PKNOX2: variants seen among roughly 807,000 people sequenced by gnomAD.
PKNOX2 encodes the protein PBX/knotted 1 homeobox 2.
A neutral mutation model predicts 53.1 loss-of-function variants in PKNOX2; 14 were observed. That is an observed-to-expected ratio of 0.26 (90% confidence interval 0.17 to 0.41). The LOEUF (loss-of-function observed/expected upper bound fraction) is 0.41, where lower values mean the gene tolerates loss of function less well. Among genes scored for constraint, PKNOX2 ranks in the 10% least tolerant of loss-of-function variants. The pLI is 1.00. For synonymous variants in PKNOX2, 257 were observed against 242.8 expected, an observed-to-expected ratio of 1.06 and a Z score of -0.54; for missense variants, 496 against 602.8, an observed-to-expected ratio of 0.82 and a Z score of 1.85.
intron 2 of PKNOX2, among the ~76,000 whole-genome samples, chr11:125,249,396 G>A (rs971949352): frequency 6.6e-6 from 1 of 152,102 alleles, no homozygotes; most frequent in Non-Finnish European, 1.5e-5. Flanking sequence ...GTATCCATAG[G>A]TTCCACATCC....
chr11:125,195,729 G>C (rs1369258570), intron 1 of PKNOX2, among the ~76,000 whole-genome samples: 1 of 152,140 alleles, frequency 6.6e-6, no homozygotes, highest in Non-Finnish European at 1.5e-5. Flanking sequence ...CAGGGAAATG[G>C]CCAGTGGGGC....
chr11:125,261,863 C>G (rs1335337738), intron 2 of PKNOX2, among the ~76,000 whole-genome samples: 6 of 152,194 alleles, frequency 3.9e-5, no homozygotes, highest in Non-Finnish European at 7.3e-5. Context: ...ATCTGCTGGC[C>G]CATTGCAGAG....
intron 1 of PKNOX2, among the ~76,000 whole-genome samples, chr11:125,170,241 G>A (rs146858851): frequency 1.3e-5 from 2 of 152,288 alleles, no homozygotes; most frequent in East Asian, 1.9e-4. Context: ...CTTCTGTTCC[G>A]GTGTCTGATT....
intron 3 of PKNOX2, among the ~76,000 whole-genome samples, chr11:125,339,052 A>T (rs1472960523): frequency 6.6e-6 from 1 of 152,224 alleles, no homozygotes; most frequent in Non-Finnish European, 1.5e-5. Flanking sequence ...AGAGCAGCTG[A>T]AAGGGCCAGC....
At chr11:125,191,626 T>C (rs1956882534) in intron 1 of PKNOX2, among the ~76,000 whole-genome samples, 1 of 152,090 alleles carries the variant, frequency 6.6e-6, no homozygotes, top group Admixed American at 6.6e-5. Flanking sequence ...GATTCCACTG[T>C]TGGGAAGTTG....
chr11:125,411,956 C>A (rs745795775), intron 10 of PKNOX2, 91 bp downstream of exon 10: 2 of 1,577,404 alleles, frequency 1.3e-6, no homozygotes, highest in Admixed American at 1.7e-5. Context: ...CGGCTCCAAA[C>A]CCACAGACAG....
At chr11:125,212,216 A>G (rs867894080) in intron 1 of PKNOX2, among the ~76,000 whole-genome samples, 3 of 152,054 alleles carry the variant, frequency 2.0e-5, no homozygotes, top group Admixed American at 1.3e-4. Context: ...CTGGTTAAGC[A>G]GGAGATCAGT....
At chr11:125,330,815 T>C (rs1360640347) in intron 2 of PKNOX2, among the ~76,000 whole-genome samples, 1 of 152,246 alleles carries the variant, frequency 6.6e-6, no homozygotes, top group East Asian at 1.9e-4. Context: ...TAGCTCCTCC[T>C]GTTGTCATGT....
intron 1 of PKNOX2, among the ~76,000 whole-genome samples, chr11:125,209,198 G>A (rs587421): frequency 0.25 from 38,074 of 151,952 alleles, 5,359 homozygotes; most frequent in South Asian, 0.37. Context: ...AGTCAGGGTG[G>A]GGAGACTTTA....
intron 2 of PKNOX2, chr11:125,330,467 T>C (rs1950075227): frequency 6.6e-6 from 1 of 152,170 alleles, no homozygotes; most frequent in Non-Finnish European, 1.5e-5. Flanking sequence ...TATGTCCTCT[T>C]GGAAGGAGCC....
intron 9 of PKNOX2, chr11:125,411,363 A>C: frequency 5.4e-6 from 2 of 367,554 alleles, no homozygotes; most frequent in Non-Finnish European, 1.0e-5. Flanking sequence ...GTGCTTTGCA[A>C]ACTGTAAAGT....
intron 3 of PKNOX2, among the ~76,000 whole-genome samples, chr11:125,343,452 G>A (rs1352782689): frequency 6.6e-6 from 1 of 152,076 alleles, no homozygotes; most frequent in Non-Finnish European, 1.5e-5. Context: ...TTGCCAAGTT[G>A]TAAAGTGCTT....
chr11:125,409,129 T>G (rs1262428893), intron 7 of PKNOX2, among the ~76,000 whole-genome samples: 1 of 152,116 alleles, frequency 6.6e-6, no homozygotes, highest in Non-Finnish European at 1.5e-5. Context: ...CACACTTCAC[T>G]CGCTGCCTTT....
intron 6 of PKNOX2, among the ~76,000 whole-genome samples, chr11:125,393,004 T>TAAAA (rs576280119): frequency 0.023 from 3,387 of 145,434 alleles, 58 homozygotes; most frequent in Middle Eastern, 0.054. Context: ...TAAAAATACA[T>TAAAA]AAAAAAAAAA....
chr11:125,383,616 AAAAC>A (rs1264725539), intron 5 of PKNOX2, among the ~76,000 whole-genome samples: 6 of 152,108 alleles, frequency 3.9e-5, no homozygotes, highest in Non-Finnish European at 7.4e-5. Context: ...GACTGTCAAA[AAAAC>A]AAACAAACAA....
At chr11:125,298,101 G>A (rs1321971513) in intron 2 of PKNOX2, among the ~76,000 whole-genome samples, 2 of 152,222 alleles carry the variant, frequency 1.3e-5, no homozygotes, top group African/African-American at 2.4e-5. Context: ...TGGGCAAGCA[G>A]TCGGTTGAGT....
At chr11:125,375,915 G>A (rs1020846375) in intron 5 of PKNOX2, among the ~76,000 whole-genome samples, 48 of 152,266 alleles carry the variant, frequency 3.2e-4, no homozygotes, top group African/African-American at 1.1e-3. Context: ...TCGTGTCATG[G>A]GGTCTGTCGC....
chr11:125,254,796 C>T (rs141885376), intron 2 of PKNOX2, among the ~76,000 whole-genome samples: 164 of 151,492 alleles, frequency 1.1e-3, no homozygotes, highest in African/African-American at 2.7e-3. Flanking sequence ...ACATTGATGA[C>T]GGTGTCCAGG....
At chr11:125,191,896 G>A (rs633745) in intron 1 of PKNOX2, among the ~76,000 whole-genome samples, 31,395 of 152,204 alleles carry the variant, frequency 0.21, 3,846 homozygotes, top group South Asian at 0.35. Context: ...ACATTTCACC[G>A]GAAGCTTGAT....
Sources: gnomAD v4.1 joint callset for allele counts (sites outside exome capture counted in the v4.1 genomes callset) on GRCh38, gnomAD v4.1.1 for gene constraint, MANE v1.5 for transcripts, NCBI Gene and HGNC (gene_info 2026-07-23, HGNC 2026-07-21) for gene names.